CDK7: variants seen among roughly 807,000 people sequenced by gnomAD.
CDK7 encodes cyclin dependent kinase 7, also known as cyclin-dependent kinase 7.
A neutral mutation model predicts 49.1 loss-of-function variants in CDK7; 25 were observed. The ratio of observed to expected loss-of-function variants is 0.51; its 90% CI spans 0.37 to 0.71. The LOEUF (loss-of-function observed/expected upper bound fraction) is 0.71. Among genes scored for constraint, CDK7 ranks in the 30% least tolerant of loss-of-function variants. The pLI is 0.00. For missense variants in CDK7, 316 were observed against 411.7 expected (o/e 0.77, Z 2.01); for synonymous variants, 107 against 140.0 (o/e 0.76, Z 1.67).
rs1438960666 is a variant in CDK7 at position 69,235,558 on chromosome 5, T to TA, written c.126+106dup. ...TCTTGACCATACTCTGATAATGAGTTACTCATGTCATTTTCAGAGACAAAA... is the reference window on the plus strand; with the variant it reads ...TCTTGACCATACTCTGATAATGAGTTAACTCATGTCATTTTCAGAGACAAAA... On this transcript the variant is annotated intron_variant, in intron 2 of 11. Coordinates refer to ENST00000256443, the MANE Select transcript of CDK7 (RefSeq NM_001799.4). 92 of 778,606 alleles carry TA rather than the reference T, an allele frequency of 1.2e-4. 2 individuals are homozygous for TA. The highest frequency in any genetic ancestry group is 1.1e-3 in the South Asian group (73 of 65,452). The allele number at this position is 778,606 out of a possible 1,614,324, so 48.2% of individuals were successfully genotyped here. A position where few individuals can be genotyped will look rare whatever the true frequency, so the allele number is the denominator to read the frequency against.
At chr5:69,261,285 T>C (rs1293931303) in intron 7 of CDK7, among the ~76,000 whole-genome samples, 1 of 152,216 alleles carries the variant, frequency 6.6e-6, no homozygotes, top group African/African-American at 2.4e-5. Context: ...GGGACCTGTG[T>C]ACAAGAGCAT....
At chr5:69,267,940 ATTAT>A (rs1258750959) in intron 8 of CDK7, among the ~76,000 whole-genome samples, 4 of 152,140 alleles carry the variant, frequency 2.6e-5, no homozygotes, top group Non-Finnish European at 4.4e-5. Flanking sequence ...TAGTTGTAAT[ATTAT>A]TTAATATCCT....
In CDK7 at chr5:69,275,739, G is replaced by A. The variant is rs149345383; in HGVS notation, c.865-804G>A. Among the ~76,000 whole-genome samples, 482 of 152,246 alleles carry A rather than the reference G, an allele frequency of 3.2e-3. 4 individuals carry two copies. Among genetic ancestry groups the A allele is most frequent in the African/African-American group, 0.011 (454 of 41,546 alleles). On this transcript the variant is annotated intron_variant, in intron 10 of 11. Transcript: ENST00000256443. ...CTGTAATCCTAGCTCTTAGGGAGGCGGAGGCGGGAGGATAGCTTGAGCCCA... is the reference window on the plus strand; with the variant it reads ...CTGTAATCCTAGCTCTTAGGGAGGCAGAGGCGGGAGGATAGCTTGAGCCCA...
chr5:69,264,741 T>TGGGTGGATC (rs1751034477), intron 8 of CDK7, among the ~76,000 whole-genome samples: 1 of 144,148 alleles, frequency 6.9e-6, no homozygotes, highest in Non-Finnish European at 1.5e-5. Context: ...GAGGCCGAGG[T>TGGGTGGATC]GGGTGGATCA....
chr5:69,262,697 A>G (rs1455499434), intron 8 of CDK7, among the ~76,000 whole-genome samples: 1 of 151,926 alleles, frequency 6.6e-6, no homozygotes, highest in East Asian at 1.9e-4. Flanking sequence ...AAAGAAAAAG[A>G]AAAGAATTCT....
intron 7 of CDK7, among the ~76,000 whole-genome samples, chr5:69,261,919 C>T (rs1030816923): frequency 6.6e-6 from 1 of 152,064 alleles, no homozygotes; most frequent in African/African-American, 2.4e-5. Flanking sequence ...GAGGAGGCAC[C>T]TATTAGGGGA....
Position 69,258,033 on chromosome 5 carries a change from T to G in CDK7, c.298-10T>G, listed in dbSNP as rs370111839. On this transcript the variant is annotated splice_polypyrimidine_tract_variant and intron_variant, in intron 5 of 11. Coordinates refer to ENST00000256443, the MANE Select transcript of CDK7 (RefSeq NM_001799.4). Reference sequence around the variant, plus strand: ...AAAGGGTACCTGTATATTGTATACTTGCTTTACAGGTTATAATAAAGGATA... The same window carrying G: ...AAAGGGTACCTGTATATTGTATACTGGCTTTACAGGTTATAATAAAGGATA... 7 of 1,337,900 alleles carry G rather than the reference T, an allele frequency of 5.2e-6. No homozygotes were observed. Among genetic ancestry groups the G allele is most frequent in the Non-Finnish European group, 7.4e-6 (7 of 941,850 alleles). 82.9% of individuals were successfully genotyped at this position (1,337,900 alleles called of 1,614,324 possible). A position where few individuals can be genotyped will look rare whatever the true frequency, so the allele number is the denominator to read the frequency against.
At chr5:69,269,689 C>T (rs1167179194) in intron 9 of CDK7, among the ~76,000 whole-genome samples, 2 of 151,948 alleles carry the variant, frequency 1.3e-5, no homozygotes, top group Non-Finnish European at 2.9e-5. Flanking sequence ...ATTACACACA[C>T]ATGCACACAT....
At chr5:69,255,621 A>G in intron 5 of CDK7, 93 bp downstream of exon 5, 2 of 904,534 alleles carry the variant, frequency 2.2e-6, no homozygotes, top group East Asian at 2.4e-5. Flanking sequence ...TACTGGTAGT[A>G]AAAGAAAAAA....
In CDK7 at chr5:69,262,311, C is replaced by G. The variant is rs367846887; in HGVS notation, c.627+7C>G. 1.9e-6 allele frequency: 3 copies of G among 1,613,920 alleles called. No homozygotes were observed. Among genetic ancestry groups the G allele is most frequent in the Non-Finnish European group, 2.5e-6 (3 of 1,179,950 alleles). On this transcript the variant is annotated splice_region_variant and intron_variant, in intron 8 of 11. Transcript: ENST00000256443. ...AGCAGAGTTACTTCTAAGGGTAAGT[C>G]TAAATTAATGTACGCACTTTAATAT...
rs763111112 is a variant in CDK7 at position 69,259,788 on chromosome 5, ATTTG to A, written c.409-22_409-19del. 5 of 1,445,190 alleles carry A rather than the reference ATTTG, an allele frequency of 3.5e-6. 1 individual carries two copies. The highest frequency in any genetic ancestry group is 2.8e-5 in the African/African-American group (2 of 71,730). 89.5% of individuals were successfully genotyped at this position (1,445,190 alleles called of 1,614,324 possible). A position where few individuals can be genotyped will look rare whatever the true frequency, so the allele number is the denominator to read the frequency against. The stretch of plus-strand genomic sequence containing the variant: ...TACAGTGTTCTCCCCTACCCTGCTT[ATTTG>A]TTTGTTTAAAACTTCCGTCATATAG... On this transcript the variant is annotated intron_variant, in intron 6 of 11. Transcript: ENST00000256443.
chr5:69,276,819 G>C lies in CDK7; in HGVS notation c.1012+129G>C, dbSNP rs552175005. The C allele has an allele frequency of 3.8e-5, 32 of 839,188 alleles. No homozygotes were observed. The East Asian group carries it at 6.9e-4, about 18-fold the overall frequency. 52.0% of individuals were successfully genotyped at this position (839,188 alleles called of 1,614,324 possible). On this transcript the variant is annotated intron_variant, in intron 11 of 11. Coordinates refer to ENST00000256443, the MANE Select transcript of CDK7 (RefSeq NM_001799.4). ...CTATTTAATTTTTATAAATTTAATT[G>C]TATAAAGTAGAGAGACTGTGCCGTT... is the stretch of plus-strand genomic sequence containing the variant.
chr5:69,272,413 T>G (rs751382424), intron 9 of CDK7, among the ~76,000 whole-genome samples: 1 of 152,206 alleles, frequency 6.6e-6, no homozygotes, highest in Non-Finnish European at 1.5e-5. Flanking sequence ...TGGTCCTATA[T>G]CTAAGATAAT....
chr5:69,239,411 T>G (rs1451129074), intron 2 of CDK7, among the ~76,000 whole-genome samples: 2 of 152,208 alleles, frequency 1.3e-5, no homozygotes, highest in Non-Finnish European at 2.9e-5. Context: ...TTTTTTGTCC[T>G]ATTGATTTAT....
At chr5:69,275,906 C>A (rs78321125) in intron 10 of CDK7, among the ~76,000 whole-genome samples, 2 of 152,118 alleles carry the variant, frequency 1.3e-5, no homozygotes, top group African/African-American at 4.8e-5. Flanking sequence ...CCCCAAGGTA[C>A]GTCATGTATA....
At chr5:69,276,817 T>C (rs1222360884) in intron 11 of CDK7, 127 bp downstream of exon 11, 16 of 846,490 alleles carry the variant, frequency 1.9e-5, no homozygotes, top group Non-Finnish European at 2.7e-5. Flanking sequence ...ATAAATTTAA[T>C]TGTATAAAGT....
Position 69,234,950 on chromosome 5 carries a change from G to A in CDK7, c.-26G>A. 1 of 1,579,110 alleles carries A rather than the reference G, an allele frequency of 6.3e-7. No homozygotes were observed. The highest frequency in any genetic ancestry group is 8.6e-7 in the Non-Finnish European group (1 of 1,162,250). ...TTGTCCTGGGAGCTCGCCCTTTTCG[G>A]CTGGAGTCGGGCTTTACGGCGCCGG... On this transcript the variant is annotated 5_prime_UTR_variant, in exon 1 of 12. Coordinates refer to ENST00000256443, the MANE Select transcript of CDK7 (RefSeq NM_001799.4).
chr5:69,258,919 T>TA (rs1750654128), intron 6 of CDK7, among the ~76,000 whole-genome samples: 1 of 152,036 alleles, frequency 6.6e-6, no homozygotes, highest in African/African-American at 2.4e-5. Context: ...CTACAAAAAA[T>TA]ACAGAAATTA....
intron 2 of CDK7, among the ~76,000 whole-genome samples, chr5:69,246,834 C>A (rs1749788440): frequency 6.6e-6 from 1 of 151,278 alleles, no homozygotes; most frequent in Non-Finnish European, 1.5e-5. Context: ...TTTCAATTTT[C>A]TTCTTCATCT....
Sources: allele counts gnomAD v4.1 joint callset (sites outside exome capture counted in the v4.1 genomes callset), GRCh38; gene constraint gnomAD v4.1.1; transcripts MANE v1.5; gene names NCBI Gene and HGNC (gene_info 2026-07-23, HGNC 2026-07-21).